MEIOC: variants seen among roughly 807,000 people sequenced by gnomAD.
MEIOC encodes the protein meiosis-specific coiled-coil domain-containing protein MEIOC.
MEIOC carries 9 observed loss-of-function variants against 85.3 expected under a neutral mutation model. The observed-to-expected ratio is 0.11, with a 90% confidence interval of 0.06 to 0.18. The LOEUF is 0.18. Among genes scored for constraint, MEIOC ranks in the 10% least tolerant of loss-of-function variants. The pLI, the probability that MEIOC is intolerant of heterozygous loss-of-function variation, is 1.00. For missense variants in MEIOC, 898 were observed against 1,129.4 expected, an observed-to-expected ratio of 0.80 and a Z score of 2.94; for synonymous variants, 365 against 393.7, an observed-to-expected ratio of 0.93 and a Z score of 0.86.
At chr17:44,668,659 A>C (rs1430567829) in intron 5 of MEIOC, among the ~76,000 whole-genome samples, 1 of 152,150 alleles carries the variant, frequency 6.6e-6, no homozygotes, top group Non-Finnish European at 1.5e-5. Context: ...GCTGAATTCT[A>C]TAATGTCCAG....
Position 44,666,631 on chromosome 17 carries a change from A to C in MEIOC, c.720A>C (p.Ser240=). 1 of 1,611,450 alleles carries C rather than the reference A, an allele frequency of 6.2e-7. No individual in the cohort carries two copies. Residue 240 remains serine, a synonymous_variant, in exon 5 of 8, where the codon TCA becomes TCC. Transcript: ENST00000409122. ...LDLEEQWMYP[S]RSDHSNCHNI... ...TTGAAGAACAATGGATGTACCCCTC[A>C]CGAAGTGATCATTCTAACTGTCACA...
rs1028817898 is a variant in MEIOC at position 44,656,550 on chromosome 17, C to T, written c.-64C>T. The T allele has an allele frequency of 2.5e-6, 3 of 1,203,542 alleles. No individual in the cohort carries two copies. In the South Asian group the frequency reaches 6.3e-5, roughly 25 times the overall value. The allele number at this position is 1,203,542 out of a possible 1,614,324, so 74.6% of individuals were successfully genotyped here. On this transcript the variant is annotated 5_prime_UTR_variant, in exon 1 of 8. Transcript: ENST00000409122. ...GGGCTGAGGGAGCCGGGCCTGGACG[C>T]CCCCCCCATCACCCCCGTACCCCAG...
intron 3 of MEIOC, among the ~76,000 whole-genome samples, chr17:44,662,742 C>T (rs372151740): frequency 1.3e-5 from 2 of 152,206 alleles, no homozygotes; most frequent in African/African-American, 4.8e-5. Context: ...ACTTTGAACT[C>T]CTGGGCTCAA....
intron 5 of MEIOC, among the ~76,000 whole-genome samples, chr17:44,669,048 A>G (rs1971957384): frequency 6.6e-6 from 1 of 152,120 alleles, no homozygotes; most frequent in Non-Finnish European, 1.5e-5. Flanking sequence ...CTAAAAATAC[A>G]AAAAATTAGC....
intron 7 of MEIOC, 193 bp downstream of exon 7, chr17:44,673,739 C>A: frequency 1.4e-6 from 1 of 718,050 alleles, no homozygotes; most frequent in Non-Finnish European, 2.2e-6. Flanking sequence ...ATAACTGTTT[C>A]AAGACAGTCT....
chr17:44,660,218 TTTTTA>T (rs1164186129), intron 2 of MEIOC, among the ~76,000 whole-genome samples: 66 of 151,950 alleles, frequency 4.3e-4, no homozygotes, highest in Admixed American at 9.2e-4. Context: ...ATCTTTTCCT[TTTTTA>T]TTTTATTTTA....
chr17:44,657,330 A>G lies in MEIOC; in HGVS notation c.204+69A>G, dbSNP rs1351690629. 7.7e-6 allele frequency: 11 copies of G among 1,428,154 alleles called. No individual in the cohort carries two copies. The East Asian group carries it at 2.6e-4, about 33-fold the overall frequency. 88.5% of individuals were successfully genotyped at this position (1,428,154 alleles called of 1,614,324 possible). A position where few individuals can be genotyped will look rare whatever the true frequency, so the allele number is the denominator to read the frequency against. On this transcript the variant is annotated intron_variant, in intron 2 of 7. Coordinates refer to ENST00000409122, the MANE Select transcript of MEIOC (RefSeq NM_001145080.3). ...ATGGATTTACTCGAGCCACCGATTCATAGGTGTTTAATGGCTCCACAGTTA... is the reference window on the plus strand; with the variant it reads ...ATGGATTTACTCGAGCCACCGATTCGTAGGTGTTTAATGGCTCCACAGTTA...
rs148051553 is a variant in MEIOC, at chr17:44,667,886, C to A, written c.1975C>A (p.Arg659Ser). 1,465 of 1,613,908 alleles carry A rather than the reference C, an allele frequency of 9.1e-4. 2 individuals carry two copies. Among genetic ancestry groups the A allele is most frequent in the Admixed American group, 1.7e-3 (101 of 60,006 alleles). ...TRGGDNSRVN[R>S]TQVSCFSNNY... is the part of the protein sequence containing the mutation. ...AGGTGGAGACAATAGCCGTGTGAAT[C>A]GCACACAAGTGTCATGCTTTTCTAA... is the stretch of plus-strand genomic sequence containing the variant. Residue 659 changes from arginine (R) to serine (S), a missense_variant, in exon 5 of 8, where the codon CGC (arginine) becomes AGC (serine). Arg to Ser is a moderately radical substitution (Grantham distance 110). Coordinates refer to ENST00000409122, the MANE Select transcript of MEIOC (RefSeq NM_001145080.3).
At chr17:44,673,336 T>A in intron 6 of MEIOC, 30 bp from the exon 7 acceptor site, 1 of 1,507,354 alleles carries the variant, frequency 6.6e-7, no homozygotes, top group Non-Finnish European at 8.9e-7. Context: ...GCAGGACATG[T>A]CTTATCAAAA....
At chr17:44,658,154 ATTTT>A (rs71136034) in intron 2 of MEIOC, among the ~76,000 whole-genome samples, 6 of 128,566 alleles carry the variant, frequency 4.7e-5, no homozygotes, top group Non-Finnish European at 6.6e-5. Context: ...CCCAGGAACA[ATTTT>A]TTTTTTTTTT....
chr17:44,657,378 CTTTTTTTTT>C lies in MEIOC; in HGVS notation c.204+132_204+140del, dbSNP rs35032511. ...TTAAGGAAGAGAAAACCAGGGAAAA[CTTTTTTTTT>C]TTTTTTTTTTTTTTGAGACAGAGTC... is the stretch of plus-strand genomic sequence containing the variant. On this transcript the variant is annotated intron_variant, in intron 2 of 7. Coordinates refer to ENST00000409122, the MANE Select transcript of MEIOC (RefSeq NM_001145080.3). 2.0e-5 allele frequency: 6 copies of C among 296,044 alleles called. No individual in the cohort carries two copies. The Admixed American group carries it at 2.5e-4, about 12-fold the overall frequency. The allele number at this position is 296,044 out of a possible 1,614,324, so 18.3% of individuals were successfully genotyped here.
intron 1 of MEIOC, 134 bp from the exon 2 acceptor site, chr17:44,656,992 GC>G: frequency 1.9e-6 from 2 of 1,033,562 alleles, no homozygotes; most frequent in Non-Finnish European, 2.7e-6. Context: ...GGAAGCGCGG[GC>G]CCCCACATTC....
chr17:44,659,904 A>C (rs1368287518), intron 2 of MEIOC, among the ~76,000 whole-genome samples: 4 of 152,218 alleles, frequency 2.6e-5, no homozygotes, highest in African/African-American at 9.6e-5. Flanking sequence ...GCTCTCAGCA[A>C]AATCCCTTCT....
At chr17:44,663,388 C>A (rs978267135) in intron 3 of MEIOC, among the ~76,000 whole-genome samples, 1 of 151,868 alleles carries the variant, frequency 6.6e-6, no homozygotes, top group African/African-American at 2.4e-5. Context: ...TATATGGGAG[C>A]TATTTATAGA....
rs1972056735 is a variant in MEIOC, at chr17:44,674,990, G to A, written c.*794G>A. On this transcript the variant is annotated 3_prime_UTR_variant, in exon 8 of 8. Transcript: ENST00000409122. The stretch of plus-strand genomic sequence containing the variant: ...CCCTTTATCTGGATCTTTTAGACTT[G>A]ATGCACAGTAACTGAAATAATGACT... 1.0e-6 allele frequency: 1 copy of A among 983,318 alleles called. No homozygotes were observed. The highest frequency in any genetic ancestry group is 1.2e-6 in the Non-Finnish European group (1 of 828,116). 60.9% of individuals were successfully genotyped at this position (983,318 alleles called of 1,614,324 possible).
In MEIOC at chr17:44,673,566, T is replaced by C; in HGVS notation, c.2638+20T>C. On this transcript the variant is annotated intron_variant, in intron 7 of 7. Transcript: ENST00000409122. Reference sequence around the variant, plus strand: ...ACAGAGGTACAAATATTAATGCATATTCTTGTGATAAGTCAGTGTGATAAT... The same window carrying C: ...ACAGAGGTACAAATATTAATGCATACTCTTGTGATAAGTCAGTGTGATAAT... 4 of 1,515,388 alleles carry C rather than the reference T, an allele frequency of 2.6e-6. No homozygotes were observed. The highest frequency in any genetic ancestry group is 3.5e-6 in the Non-Finnish European group (4 of 1,127,306). 93.9% of individuals were successfully genotyped at this position (1,515,388 alleles called of 1,614,324 possible). A position where few individuals can be genotyped will look rare whatever the true frequency, so the allele number is the denominator to read the frequency against.
Position 44,674,110 on chromosome 17 carries a change from G to A in MEIOC, c.2773G>A (p.Asp925Asn). Residue 925 changes from aspartate (D) to asparagine (N), a missense_variant, in exon 8 of 8, where the codon GAT becomes AAT. Physicochemically the swap from Asp to Asn is conservative, Grantham distance 23. Transcript: ENST00000409122. ...AGCTGATGTGGTAAAGCCTTTACAA[G>A]ATACAGTAAACTGTGAAGATAAAGT... ...STADVVKPLQ[D>N]TVNCEDKVHE... 1.3e-6 allele frequency: 2 copies of A among 1,551,708 alleles called. No individual in the cohort carries two copies. Among genetic ancestry groups the A allele is most frequent in the Non-Finnish European group, 1.7e-6 (2 of 1,146,996 alleles).
chr17:44,672,742 G>A (rs912038847), intron 6 of MEIOC, among the ~76,000 whole-genome samples: 3 of 152,132 alleles, frequency 2.0e-5, no homozygotes, highest in African/African-American at 7.2e-5. Flanking sequence ...CCTTTTTTAA[G>A]TTTCATCATC....
At chr17:44,673,018 A>G (rs1204922155) in intron 6 of MEIOC, 4 of 187,462 alleles carry the variant, frequency 2.1e-5, no homozygotes, top group Non-Finnish European at 4.3e-5. Context: ...TTAGATTACA[A>G]TACTTCCTAA....
Sources: allele counts gnomAD v4.1 joint callset (sites outside exome capture counted in the v4.1 genomes callset), GRCh38; gene constraint gnomAD v4.1.1; transcripts MANE v1.5; gene names NCBI Gene and HGNC (gene_info 2026-07-23, HGNC 2026-07-21).